Variants in GAS1 observed in about 807,000 individuals in gnomAD.
GAS1 encodes growth arrest specific 1.
In GAS1, 10 loss-of-function variants were observed where a neutral mutation model predicts 21.6. That is an observed-to-expected ratio of 0.46 (90% CI 0.29 to 0.79). The LOEUF is 0.79. Among genes scored for constraint, GAS1 ranks in the 30% least tolerant of loss-of-function variants. The pLI is 0.10. For missense variants in GAS1, 567 were observed against 544.3 expected (o/e 1.04, Z -0.42); for synonymous variants, 332 against 264.0 (o/e 1.26, Z -2.50).
Position 86,946,931 on chromosome 9 carries a change from C to A in GAS1, c.-152G>T. On this transcript the variant is annotated 5_prime_UTR_variant, in exon 1 of 1. Transcript: ENST00000298743. The surrounding 1 kb of genome is among the most constrained non-coding windows in gnomAD (Gnocchi z 5.2). The stretch of plus-strand genomic sequence containing the variant: ...CCATGCGCGCCGCTGGCTGATGCCC[C>A]GCTGGTGGCAGAAGGTCCCCTTTCG... The A allele has an allele frequency of 5.9e-6, 2 of 341,470 alleles. No individual in the cohort carries two copies. The highest frequency in any genetic ancestry group is 1.1e-5 in the Non-Finnish European group (2 of 181,158). 21.2% of individuals were successfully genotyped at this position (341,470 alleles called of 1,614,324 possible). A position where few individuals can be genotyped will look rare whatever the true frequency, so the allele number is the denominator to read the frequency against.
In GAS1 at chr9:86,946,326, C is replaced by T. The variant is rs1295614158; in HGVS notation, c.454G>A (p.Gly152Ser). The T allele has an allele frequency of 3.6e-5, 51 of 1,416,566 alleles. No individual in the cohort carries two copies. The East Asian group carries it at 1.6e-3, about 45-fold the overall frequency. 87.7% of individuals were successfully genotyped at this position (1,416,566 alleles called of 1,614,324 possible). Residue 152 changes from glycine to serine, a missense_variant, in exon 1 of 1, where the codon GGC becomes AGC. By Grantham distance (56) the Gly-to-Ser change is moderately conservative. Coordinates refer to ENST00000298743, the MANE Select transcript of GAS1 (RefSeq NM_002048.3). This position sits in a 1 kb window ranked among gnomAD's most constrained non-coding sequence, Gnocchi z 5.2. ...AIEPCLPRTS[G>S]GGAGGPGAGG... ...GCGCCGGGGCCGCCCGCGCCGCCGCCGCTCGTCCGGGGCAGGCACGGCTCA... is the reference window on the plus strand; with the variant it reads ...GCGCCGGGGCCGCCCGCGCCGCCGCTGCTCGTCCGGGGCAGGCACGGCTCA...
chr9:86,944,697 G>C lies in GAS1; in HGVS notation c.*1045C>G, dbSNP rs1825454592. 1 of 152,132 alleles carries C rather than the reference G, an allele frequency of 6.6e-6. No homozygotes were observed. Among genetic ancestry groups the C allele is most frequent in the Non-Finnish European group, 1.5e-5 (1 of 68,030 alleles). The allele number at this position is 152,132 out of a possible 1,614,324, so 9.4% of individuals were successfully genotyped here. A position where few individuals can be genotyped will look rare whatever the true frequency, so the allele number is the denominator to read the frequency against. On this transcript the variant is annotated 3_prime_UTR_variant, in exon 1 of 1. Transcript: ENST00000298743. ...GGGGGGAAAGGTGTAATATGGATGT[G>C]AGTTTAAAACTTTTAATTTCTTTTT...
Position 86,945,585 on chromosome 9 carries a change from G to A in GAS1, c.*157C>T, listed in dbSNP as rs1221246997. 3.1e-6 allele frequency: 2 copies of A among 655,038 alleles called. No homozygotes were observed. The highest frequency in any genetic ancestry group is 4.1e-5 in the Admixed American group (1 of 24,110). The allele number at this position is 655,038 out of a possible 1,614,324, so 40.6% of individuals were successfully genotyped here. ...GGAAGTGCCCAGAGTCGTGGCCGGG[G>A]AACCGGCTACACCAAGTTGACTTGG... On this transcript the variant is annotated 3_prime_UTR_variant, in exon 1 of 1. Coordinates refer to ENST00000298743, the MANE Select transcript of GAS1 (RefSeq NM_002048.3).
In GAS1 at chr9:86,945,188, C is replaced by T. The variant is rs774813743; in HGVS notation, c.*554G>A. 6.6e-6 allele frequency: 1 copy of T among 152,180 alleles called. No homozygotes were observed. The highest frequency in any genetic ancestry group is 1.5e-5 in the Non-Finnish European group (1 of 68,022). The allele number at this position is 152,180 out of a possible 1,614,324, so 9.4% of individuals were successfully genotyped here. ...TGAGAATTCTGGGCGCAGATACAAA[C>T]AGTGAAAGAATGAATCGGTAAGTGG... is the stretch of plus-strand genomic sequence containing the variant. On this transcript the variant is annotated 3_prime_UTR_variant, in exon 1 of 1. Transcript: ENST00000298743.
At position 86,945,932 on chromosome 9, in the gene GAS1, G is replaced by A. The variant is rs999199419; in HGVS notation, c.848C>T (p.Pro283Leu). The A allele has an allele frequency of 3.2e-6, 5 of 1,584,748 alleles. No individual in the cohort carries two copies. In the Admixed American group the frequency reaches 7.0e-5, roughly 22 times the overall value. ...QRTGGAGGEQ[P>L]LDDDDGVPHP... ...CGGGACGCCGTCGTCGTCGTCCAGC[G>A]GCTGCTCACCACCCGCGCCCCCGGT... The change falls in exon 1 of 1, where the codon CCG becomes CTG. Residue 283 changes from proline to leucine, a missense_variant. By Grantham distance (98) the Pro-to-Leu change is moderately conservative. Coordinates refer to ENST00000298743, the MANE Select transcript of GAS1 (RefSeq NM_002048.3).
chr9:86,945,455 C>G lies in GAS1; in HGVS notation c.*287G>C. On this transcript the variant is annotated 3_prime_UTR_variant, in exon 1 of 1. Coordinates refer to ENST00000298743, the MANE Select transcript of GAS1 (RefSeq NM_002048.3). The stretch of plus-strand genomic sequence containing the variant: ...TGCTTCCTCCCGGACGTCCTGAACA[C>G]TGCAGCTAGCTTTCTGGACGGCAGA... The G allele has an allele frequency of 3.0e-6, 1 of 332,870 alleles. No individual in the cohort carries two copies. The highest frequency in any genetic ancestry group is 2.2e-5 in the African/African-American group (1 of 45,916). The allele number at this position is 332,870 out of a possible 1,614,324, so 20.6% of individuals were successfully genotyped here.
Position 86,946,722 on chromosome 9 carries a change from C to G in GAS1, c.58G>C (p.Ala20Pro). The G allele has an allele frequency of 1.5e-6, 2 of 1,351,994 alleles. No individual in the cohort carries two copies. The highest frequency in any genetic ancestry group is 1.9e-6 in the Non-Finnish European group (2 of 1,041,946). 83.7% of individuals were successfully genotyped at this position (1,351,994 alleles called of 1,614,324 possible). Reference sequence around the variant, plus strand: ...AGCAGCGCCATCAGGCACAGCCAGGCGCCCGGCACTGTCCCCCCGCGGGCC... The same window carrying G: ...AGCAGCGCCATCAGGCACAGCCAGGGGCCCGGCACTGTCCCCCCGCGGGCC... ...GEARGGTVPG[A>P]WLCLMALLQL... is the part of the protein sequence containing the mutation. Residue 20 changes from alanine (A) to proline (P), a missense_variant, in exon 1 of 1, where the codon GCC (alanine) becomes CCC (proline). Ala to Pro is a conservative substitution (Grantham distance 27). Coordinates refer to ENST00000298743, the MANE Select transcript of GAS1 (RefSeq NM_002048.3). The surrounding 1 kb of genome is among the most constrained non-coding windows in gnomAD (Gnocchi z 5.2).
rs563401753 is a variant in GAS1 at position 86,946,291 on chromosome 9, G to T, written c.489C>A (p.Val163=). ...GCCGCCGGGCCTCGGTGCAGCCCATGACCCCGCCCGCGCCGGGGCCGCCCG... is the reference window on the plus strand; with the variant it reads ...GCCGCCGGGCCTCGGTGCAGCCCATTACCCCGCCCGCGCCGGGGCCGCCCG... ...GGAGGPGAGG[V]MGCTEARRRC... Residue 163 remains valine, a synonymous_variant, in exon 1 of 1, where the codon GTC becomes GTA. Transcript: ENST00000298743. This position sits in a 1 kb window ranked among gnomAD's most constrained non-coding sequence, Gnocchi z 5.2. 80 of 1,455,002 alleles carry T rather than the reference G, an allele frequency of 5.5e-5. 1 individual carries two copies. In the South Asian group the frequency reaches 9.4e-4, roughly 17 times the overall value. The allele number at this position is 1,455,002 out of a possible 1,614,324, so 90.1% of individuals were successfully genotyped here. A position where few individuals can be genotyped will look rare whatever the true frequency, so the allele number is the denominator to read the frequency against.
In GAS1 at chr9:86,945,417, T is replaced by TC. The variant is rs1825466135; in HGVS notation, c.*324dup. ...TTTCGAGTCCAGGACTACTGTTCTG[T>TC]CCCCCACATGCTTGCTTCCTCCCGG... On this transcript the variant is annotated 3_prime_UTR_variant, in exon 1 of 1. Transcript: ENST00000298743. The TC allele has an allele frequency of 4.1e-6, 1 of 245,632 alleles. No homozygotes were observed. Among genetic ancestry groups the TC allele is most frequent in the East Asian group, 8.5e-5 (1 of 11,764 alleles). 15.2% of individuals were successfully genotyped at this position (245,632 alleles called of 1,614,324 possible).
Position 86,946,836 on chromosome 9 carries a change from G to A in GAS1, c.-57C>T. 1 of 483,040 alleles carries A rather than the reference G, an allele frequency of 2.1e-6. No individual in the cohort carries two copies. Among genetic ancestry groups the A allele is most frequent in the East Asian group, 4.1e-5 (1 of 24,616 alleles). The allele number at this position is 483,040 out of a possible 1,614,324, so 29.9% of individuals were successfully genotyped here. A position where few individuals can be genotyped will look rare whatever the true frequency, so the allele number is the denominator to read the frequency against. On this transcript the variant is annotated 5_prime_UTR_variant, in exon 1 of 1. Transcript: ENST00000298743. The surrounding 1 kb of genome is among the most constrained non-coding windows in gnomAD (Gnocchi z 5.2). Reference sequence around the variant, plus strand: ...GGAAAGGAGACGAGGCGCGGGGAGCGGCGGACGCGGAGCCGGTGGAAAAGT... The same window carrying A: ...GGAAAGGAGACGAGGCGCGGGGAGCAGCGGACGCGGAGCCGGTGGAAAAGT...
chr9:86,945,616 G>T lies in GAS1; in HGVS notation c.*126C>A. On this transcript the variant is annotated 3_prime_UTR_variant, in exon 1 of 1. Coordinates refer to ENST00000298743, the MANE Select transcript of GAS1 (RefSeq NM_002048.3). ...GCTACACCAAGTTGACTTGGAAAAA[G>T]TTTTGGGAAGTATCCCCAACCATCC... The T allele has an allele frequency of 2.1e-6, 2 of 949,254 alleles. No homozygotes were observed. The highest frequency in any genetic ancestry group is 1.4e-6 in the Non-Finnish European group (1 of 708,460). The allele number at this position is 949,254 out of a possible 1,614,324, so 58.8% of individuals were successfully genotyped here.
rs775055032 is a variant in GAS1 at position 86,945,955 on chromosome 9, G to T, written c.825C>A (p.Thr275=). 6 of 1,598,654 alleles carry T rather than the reference G, an allele frequency of 3.8e-6. No individual in the cohort carries two copies. The Admixed American group carries it at 1.0e-4, about 27-fold the overall frequency. The change falls in exon 1 of 1, where the codon ACC becomes ACA. Residue 275 remains threonine (T), a synonymous_variant. Coordinates refer to ENST00000298743, the MANE Select transcript of GAS1 (RefSeq NM_002048.3). ...YDEDYDDEQR[T]GGAGGEQPLD... ...GCGGCTGCTCACCACCCGCGCCCCC[G>T]GTGCGCTGCTCGTCATCGTAGTCCT...
In GAS1 at chr9:86,945,621, G is replaced by A. The variant is rs554576071; in HGVS notation, c.*121C>T. On this transcript the variant is annotated 3_prime_UTR_variant, in exon 1 of 1. Transcript: ENST00000298743. ...ACCAAGTTGACTTGGAAAAAGTTTTGGGAAGTATCCCCAACCATCCCTTCT... is the reference window on the plus strand; with the variant it reads ...ACCAAGTTGACTTGGAAAAAGTTTTAGGAAGTATCCCCAACCATCCCTTCT... The A allele has an allele frequency of 1.6e-4, 150 of 937,946 alleles. 1 individual carries two copies. The South Asian group carries it at 3.1e-3, about 19-fold the overall frequency. 58.1% of individuals were successfully genotyped at this position (937,946 alleles called of 1,614,324 possible).
rs1330772182 is a variant in GAS1 at position 86,946,056 on chromosome 9, G to A, written c.724C>T (p.Leu242=). The part of the protein sequence containing the change: ...CESVKENMAR[L]CFGAELGNGP... ...TTGCCCAGCTCGGCGCCGAAGCACA[G>A]GCGGGCCATGTTCTCCTTGACCGAC... Residue 242 remains leucine (L), a synonymous_variant, in exon 1 of 1, where the codon CTG becomes TTG. Transcript: ENST00000298743. The surrounding 1 kb of genome is among the most constrained non-coding windows in gnomAD (Gnocchi z 5.2). 2 of 1,607,536 alleles carry A rather than the reference G, an allele frequency of 1.2e-6. No homozygotes were observed. Among genetic ancestry groups the A allele is most frequent in the Non-Finnish European group, 1.7e-6 (2 of 1,179,552 alleles).
chr9:86,945,883 G>T lies in GAS1; in HGVS notation c.897C>A (p.Gly299=). 2 of 1,502,708 alleles carry T rather than the reference G, an allele frequency of 1.3e-6. No homozygotes were observed. Among genetic ancestry groups the T allele is most frequent in the Admixed American group, 2.2e-5 (1 of 45,138 alleles). The allele number at this position is 1,502,708 out of a possible 1,614,324, so 93.1% of individuals were successfully genotyped here. A position where few individuals can be genotyped will look rare whatever the true frequency, so the allele number is the denominator to read the frequency against. The part of the protein sequence containing the change: ...GVPHPPRPGS[G]AAASGGRGDL... ...CCCCGCGGCCGCCCGATGCAGCAGC[G>T]CCGCTGCCCGGGCGCGGTGGGTGCG... Residue 299 remains glycine (G), a synonymous_variant, in exon 1 of 1, where the codon GGC becomes GGA. Coordinates refer to ENST00000298743, the MANE Select transcript of GAS1 (RefSeq NM_002048.3).
chr9:86,947,296 G>A lies in GAS1; in HGVS notation c.-517C>T. On this transcript the variant is annotated 5_prime_UTR_variant, in exon 1 of 1. Coordinates refer to ENST00000298743, the MANE Select transcript of GAS1 (RefSeq NM_002048.3). The stretch of plus-strand genomic sequence containing the variant: ...CCGCTTCCTGGCCCGGCGTCCGCGC[G>A]CTGCCCGCCTTCCCGCGGCCCGGCC... 1 of 152,482 alleles carries A rather than the reference G, an allele frequency of 6.6e-6. No homozygotes were observed. Among genetic ancestry groups the A allele is most frequent in the Non-Finnish European group, 1.5e-5 (1 of 68,420 alleles). 9.4% of individuals were successfully genotyped at this position (152,482 alleles called of 1,614,324 possible). A position where few individuals can be genotyped will look rare whatever the true frequency, so the allele number is the denominator to read the frequency against.
In GAS1 at chr9:86,947,484, G is replaced by A. The variant is rs1825521602; in HGVS notation, c.-705C>T. Among the ~76,000 whole-genome samples, 1 of 152,204 alleles carries A rather than the reference G, an allele frequency of 6.6e-6. No homozygotes were observed. The highest frequency in any genetic ancestry group is 2.4e-5 in the African/African-American group (1 of 41,472). On this transcript the variant is annotated 5_prime_UTR_variant, in exon 1 of 1. Coordinates refer to ENST00000298743, the MANE Select transcript of GAS1 (RefSeq NM_002048.3). ...CTTCTCGGGTGACCAAGAGCCCGGG[G>A]AGCGGATCCGCTGAGCCCGGCTGCA... is the stretch of plus-strand genomic sequence containing the variant.
Position 86,946,129 on chromosome 9 carries a change from C to A in GAS1, c.651G>T (p.Ala217=), listed in dbSNP as rs564115058. ...CGTCGCACACGCAGTCGTTGAGCAG[C>A]GCCGCCTTGGGCATAGCCAGCATGT... ...IEDMLAMPKA[A]LLNDCVCDGL... The change falls in exon 1 of 1, where the codon GCG becomes GCT. Residue 217 remains alanine, a synonymous_variant. Coordinates refer to ENST00000298743, the MANE Select transcript of GAS1 (RefSeq NM_002048.3). This position sits in a 1 kb window ranked among gnomAD's most constrained non-coding sequence, Gnocchi z 5.2. The A allele has an allele frequency of 1.2e-6, 2 of 1,609,160 alleles. No individual in the cohort carries two copies. Among genetic ancestry groups the A allele is most frequent in the African/African-American group, 1.3e-5 (1 of 75,004 alleles).
In GAS1 at chr9:86,947,350, G is replaced by C. The variant is rs1047605440; in HGVS notation, c.-571C>G. 6.6e-6 allele frequency among the ~76,000 whole-genome samples: 1 copy of C among 151,314 alleles called. No individual in the cohort carries two copies. Among genetic ancestry groups the C allele is most frequent in the African/African-American group, 2.4e-5 (1 of 41,254 alleles). On this transcript the variant is annotated 5_prime_UTR_variant, in exon 1 of 1. Coordinates refer to ENST00000298743, the MANE Select transcript of GAS1 (RefSeq NM_002048.3). ...CCGCGTCCCCTCCCCCTCCGCCCGCGGCAACCCCGGCCTCCGCAGAGCTCC... is the reference window on the plus strand; with the variant it reads ...CCGCGTCCCCTCCCCCTCCGCCCGCCGCAACCCCGGCCTCCGCAGAGCTCC...
Sources: allele counts gnomAD v4.1 joint callset (sites outside exome capture counted in the v4.1 genomes callset), GRCh38; gene constraint gnomAD v4.1.1; non-coding constraint Gnocchi (gnomAD v3.1); transcripts MANE v1.5; gene names NCBI Gene and HGNC (gene_info 2026-07-23, HGNC 2026-07-21).